WIF1: variants seen among roughly 807,000 people sequenced by gnomAD.
The protein encoded by WIF1 is Wnt inhibitory factor 1.
A neutral mutation model predicts 53.5 loss-of-function variants in WIF1; 35 were observed. The ratio of observed to expected loss-of-function variants is 0.65; its 90% CI spans 0.50 to 0.87. The LOEUF (loss-of-function observed/expected upper bound fraction) is 0.87, where lower values mean the gene tolerates loss of function less well. WIF1 is among the 40% of genes least tolerant of loss of function. WIF1 has a pLI of 0.00. For missense variants in WIF1, 467 were observed against 476.8 expected, an observed-to-expected ratio of 0.98 and a Z score of 0.19; for synonymous variants, 171 against 170.4, an observed-to-expected ratio of 1.00 and a Z score of -0.03.
At chr12:65,115,466 C>T (rs1883494813) in intron 2 of WIF1, among the ~76,000 whole-genome samples, 1 of 152,212 alleles carries the variant, frequency 6.6e-6, no homozygotes, top group East Asian at 1.9e-4. Context: ...AGCCATTGGG[C>T]TTAGAAAGGG....
chr12:65,067,874 C>T (rs1264303639), intron 4 of WIF1, 84 bp from the exon 5 acceptor site: 1 of 1,165,208 alleles, frequency 8.6e-7, no homozygotes, highest in African/African-American at 1.5e-5. Context: ...CAGTAGTGTT[C>T]ATTTCTGTTC....
chr12:65,051,417 G>T lies in WIF1; in HGVS notation c.1072C>A (p.Gln358Lys). The change falls in exon 10 of 10, where the codon CAG (glutamine) becomes AAG (lysine). Residue 358 changes from glutamine (Q) to lysine (K), a missense_variant. Coordinates refer to ENST00000286574, the MANE Select transcript of WIF1 (RefSeq NM_007191.5). Reference protein sequence around the residue: ...ALRPAGAQLRQHTPSLKKAEE... With the variant: ...ALRPAGAQLRKHTPSLKKAEE... Reference sequence around the variant, plus strand: ...GCCTTTTTAAGTGAAGGCGTGTGCTGCCTGAGCTGGGCGCCTGCTGGCCTC... The same window carrying T: ...GCCTTTTTAAGTGAAGGCGTGTGCTTCCTGAGCTGGGCGCCTGCTGGCCTC... 1 of 1,613,702 alleles carries T rather than the reference G, an allele frequency of 6.2e-7. No homozygotes were observed. The highest frequency in any genetic ancestry group is 8.5e-7 in the Non-Finnish European group (1 of 1,179,840).
chr12:65,100,703 A>T (rs755908526), intron 2 of WIF1, among the ~76,000 whole-genome samples: 24 of 151,908 alleles, frequency 1.6e-4, no homozygotes, highest in Middle Eastern at 3.4e-3. Flanking sequence ...TATATATATA[A>T]AATTGAAACA....
At chr12:65,055,318 T>C in intron 8 of WIF1, 105 bp from the exon 9 acceptor site, 2 of 1,290,330 alleles carry the variant, frequency 1.5e-6, no homozygotes, top group Non-Finnish European at 2.1e-6. Flanking sequence ...AGTTTTGGCT[T>C]CATCCTCTAA....
At chr12:65,051,752 A>G (rs1388319831) in intron 9 of WIF1, among the ~76,000 whole-genome samples, 1 of 152,232 alleles carries the variant, frequency 6.6e-6, no homozygotes, top group African/African-American at 2.4e-5. Flanking sequence ...GAATGGAAGT[A>G]TAGTCTCCAT....
chr12:65,108,499 G>C (rs1883383004), intron 2 of WIF1, among the ~76,000 whole-genome samples: 1 of 152,134 alleles, frequency 6.6e-6, no homozygotes, highest in African/African-American at 2.4e-5. Context: ...AGCCCAAACT[G>C]TTCTGCCCTT....
chr12:65,097,318 G>C (rs1322579011), intron 2 of WIF1, among the ~76,000 whole-genome samples: 1 of 152,122 alleles, frequency 6.6e-6, no homozygotes, highest in African/African-American at 2.4e-5. Context: ...GCTCAAAAGA[G>C]AGGACAAGAA....
At chr12:65,055,090 T>C (rs748684097) in intron 9 of WIF1, 28 bp downstream of exon 9, 4 of 1,605,810 alleles carry the variant, frequency 2.5e-6, no homozygotes, top group Non-Finnish European at 3.4e-6. Flanking sequence ...TTTTTCCTTG[T>C]TTACAACTTT....
intron 7 of WIF1, among the ~76,000 whole-genome samples, chr12:65,061,264 T>C (rs1437667537): frequency 6.6e-6 from 1 of 152,172 alleles, no homozygotes; most frequent in African/African-American, 2.4e-5. Context: ...AGGTTGAAAG[T>C]TCAAACAGGA....
intron 2 of WIF1, among the ~76,000 whole-genome samples, chr12:65,078,996 C>T (rs1250795142): frequency 6.6e-6 from 1 of 151,974 alleles, no homozygotes; most frequent in Non-Finnish European, 1.5e-5. Flanking sequence ...GAAACCCCGT[C>T]TCTACTAAAA....
chr12:65,113,541 A>G (rs1381472692), intron 2 of WIF1, among the ~76,000 whole-genome samples: 1 of 152,070 alleles, frequency 6.6e-6, no homozygotes, highest in African/African-American at 2.4e-5. Flanking sequence ...GTAAATTGCC[A>G]TAGAACCAGA....
intron 2 of WIF1, among the ~76,000 whole-genome samples, chr12:65,097,383 G>A (rs1900292): frequency 0.072 from 10,899 of 152,064 alleles, 500 homozygotes; most frequent in East Asian, 0.18. Context: ...TTCCTACATG[G>A]CATAGTTATA....
intron 2 of WIF1, among the ~76,000 whole-genome samples, chr12:65,113,422 C>T (rs978402130): frequency 1.1e-4 from 16 of 152,076 alleles, no homozygotes; most frequent in Non-Finnish European, 1.9e-4. Context: ...TTTATTTGTG[C>T]GAGCAATTTA....
At chr12:65,060,242 G>A (rs866209525) in intron 7 of WIF1, among the ~76,000 whole-genome samples, 14 of 152,230 alleles carry the variant, frequency 9.2e-5, no homozygotes, top group African/African-American at 3.4e-4. Context: ...CATCTCACAC[G>A]CAGATTTTCA....
intron 4 of WIF1, 83 bp downstream of exon 4, chr12:65,068,680 TG>T: frequency 3.6e-6 from 4 of 1,111,206 alleles, no homozygotes; most frequent in Non-Finnish European, 3.9e-6. Context: ...TGTGTGTGTG[TG>T]TGTGTATAGA....
intron 7 of WIF1, 91 bp from the exon 8 acceptor site, chr12:65,056,217 G>A (rs1592386248): frequency 2.5e-6 from 3 of 1,197,106 alleles, no homozygotes; most frequent in East Asian, 2.4e-5. Context: ...GGCTTTGAGA[G>A]GATAAGTGCT....
intron 6 of WIF1, 24 bp from the exon 7 acceptor site, chr12:65,062,600 G>T: frequency 6.3e-7 from 1 of 1,583,646 alleles, no homozygotes; most frequent in Non-Finnish European, 8.6e-7. Flanking sequence ...TAACAGGGGT[G>T]TTGCATTAGA....
At chr12:65,053,564 C>G (rs936613065) in intron 9 of WIF1, among the ~76,000 whole-genome samples, 1 of 152,186 alleles carries the variant, frequency 6.6e-6, no homozygotes, top group Non-Finnish European at 1.5e-5. Context: ...CCTTTGCCTT[C>G]TGCCACGATT....
rs912391844 is a variant in WIF1, at chr12:65,098,846, T to C, written c.289-20992A>G. On this transcript the variant is annotated intron_variant, in intron 2 of 9. Transcript: ENST00000286574. ...TGGTTGTCAGAAAACATGTGCCCTT[T>C]AGCCAGCTCTATTGCTAACTCCCTC... Among the ~76,000 whole-genome samples the C allele has an allele frequency of 7.9e-5, 12 of 152,324 alleles. 1 individual carries two copies. The South Asian group carries it at 2.3e-3, about 29-fold the overall frequency.
Sources: gnomAD v4.1 joint callset for allele counts (sites outside exome capture counted in the v4.1 genomes callset) on GRCh38, gnomAD v4.1.1 for gene constraint, MANE v1.5 for transcripts, NCBI Gene and HGNC (gene_info 2026-07-23, HGNC 2026-07-21) for gene names.